Variants in ADGRL3 observed in about 807,000 individuals in gnomAD.
ADGRL3 encodes adhesion G protein-coupled receptor L3.
A neutral mutation model predicts 153.5 loss-of-function variants in ADGRL3; 62 were observed. The observed-to-expected ratio is 0.40, with a 90% CI of 0.33 to 0.50. The LOEUF is 0.50. ADGRL3 is among the 20% of genes least tolerant of loss of function. The probability of loss-of-function intolerance (pLI) is 0.47; values close to 1 mark genes in which losing one functional copy is unlikely to be tolerated. For missense variants in ADGRL3, 1,641 were observed against 1,859.4 expected (o/e 0.88, Z 2.16); for synonymous variants, 710 against 672.5 (o/e 1.06, Z -0.86).
Position 61,670,732 on chromosome 4 carries a change from G to T in ADGRL3, c.474-6094G>T, listed in dbSNP as rs569448615. On this transcript the variant is annotated intron_variant, in intron 5 of 26. Coordinates refer to ENST00000683033, the MANE Select transcript of ADGRL3 (RefSeq NM_001387552.1). Reference sequence around the variant, plus strand: ...TGTGTCAGAAAAAGAGTCTTCTGTAGGTTCTGCCTTAATGGGAGAGGTAAA... The same window carrying T: ...TGTGTCAGAAAAAGAGTCTTCTGTATGTTCTGCCTTAATGGGAGAGGTAAA... Among the ~76,000 whole-genome samples, 5 of 152,240 alleles carry T rather than the reference G, an allele frequency of 3.3e-5. No individual in the cohort carries two copies. The South Asian group carries it at 8.3e-4, about 25-fold the overall frequency.
At chr4:61,237,090 G>A (rs528028310) in intron 1 of ADGRL3, among the ~76,000 whole-genome samples, 1 of 152,174 alleles carries the variant, frequency 6.6e-6, no homozygotes, top group African/African-American at 2.4e-5. Context: ...TATGGTTGTT[G>A]CAGCAAGAGT....
chr4:61,532,271 A>G (rs1294372605), intron 4 of ADGRL3, among the ~76,000 whole-genome samples: 2 of 152,186 alleles, frequency 1.3e-5, no homozygotes, highest in African/African-American at 4.8e-5. Context: ...GTTAGAATAA[A>G]AGCTTGTATG....
At chr4:61,596,972 G>T (rs1579756749) in intron 5 of ADGRL3, among the ~76,000 whole-genome samples, 1 of 151,602 alleles carries the variant, frequency 6.6e-6, no homozygotes, top group Non-Finnish European at 1.5e-5. Flanking sequence ...TGTAGAAAAA[G>T]ATATATAAAT....
At chr4:61,781,947 T>C (rs1002360567) in intron 8 of ADGRL3, among the ~76,000 whole-genome samples, 2 of 152,206 alleles carry the variant, frequency 1.3e-5, no homozygotes, top group African/African-American at 4.8e-5. Flanking sequence ...TTTAACTCTT[T>C]TAACAAATAC....
intron 1 of ADGRL3, among the ~76,000 whole-genome samples, chr4:61,262,040 T>C (rs2092559933): frequency 6.6e-6 from 1 of 152,100 alleles, no homozygotes; most frequent in African/African-American, 2.4e-5. Flanking sequence ...GTAAACTATG[T>C]TTCAAAGGTT....
intron 26 of ADGRL3, 56 bp from the exon 27 acceptor site, chr4:62,070,053 G>A: frequency 7.1e-7 from 1 of 1,399,612 alleles, no homozygotes; most frequent in Admixed American, 1.9e-5. Context: ...GTGTTTGTGT[G>A]TGTGTTCTAT....
intron 24 of ADGRL3, among the ~76,000 whole-genome samples, chr4:62,040,162 G>A (rs1482483789): frequency 6.6e-6 from 1 of 152,034 alleles, no homozygotes; most frequent in Non-Finnish European, 1.5e-5. Context: ...ATCTTAAGTT[G>A]CTAAGAAGAT....
chr4:61,359,132 A>G (rs2096243825), intron 1 of ADGRL3, among the ~76,000 whole-genome samples: 1 of 152,106 alleles, frequency 6.6e-6, no homozygotes, highest in African/African-American at 2.4e-5. Flanking sequence ...TATGGCTTCT[A>G]CCTTATGTAC....
chr4:61,527,151 A>G, intron 4 of ADGRL3, among the ~76,000 whole-genome samples: 1 of 152,104 alleles, frequency 6.6e-6, no homozygotes, highest in East Asian at 1.9e-4. Context: ...TCAAAAATAT[A>G]TAGATTTCTC....
chr4:61,658,732 G>T (rs1209466053), intron 5 of ADGRL3, among the ~76,000 whole-genome samples: 1 of 151,824 alleles, frequency 6.6e-6, no homozygotes, highest in African/African-American at 2.4e-5. Flanking sequence ...CTTTTTATCT[G>T]CCTGCCATGC....
At chr4:62,005,650 A>C (rs1479267839) in intron 21 of ADGRL3, among the ~76,000 whole-genome samples, 1 of 152,094 alleles carries the variant, frequency 6.6e-6, no homozygotes, top group Non-Finnish European at 1.5e-5. Flanking sequence ...GTGCAGTCAG[A>C]CTATGGAAAT....
chr4:61,947,979 G>T, intron 16 of ADGRL3, 121 bp from the exon 17 acceptor site: 2 of 717,586 alleles, frequency 2.8e-6, no homozygotes, highest in Non-Finnish European at 4.6e-6. Context: ...GAAACCATTG[G>T]TAGACATCTC....
At chr4:61,395,894 C>G (rs549427714) in intron 2 of ADGRL3, among the ~76,000 whole-genome samples, 1 of 151,842 alleles carries the variant, frequency 6.6e-6, no homozygotes, top group Non-Finnish European at 1.5e-5. Context: ...GAAGGAGGAA[C>G]GCACAGATTT....
intron 1 of ADGRL3, among the ~76,000 whole-genome samples, chr4:61,268,680 A>G (rs2092991842): frequency 6.6e-6 from 1 of 151,610 alleles, no homozygotes. Flanking sequence ...GGTGTGTGGC[A>G]TGTTAAAATA....
At position 61,644,591 on chromosome 4, in the gene ADGRL3, C is replaced by G. The variant is rs566210363; in HGVS notation, c.474-32235C>G. On this transcript the variant is annotated intron_variant, in intron 5 of 26. Coordinates refer to ENST00000683033, the MANE Select transcript of ADGRL3 (RefSeq NM_001387552.1). ...CTTGTTCAGTTTCCATGTAGTTGAG[C>G]GGTTTTGCGTGAGATTCTTAATCCT... 1.2e-4 allele frequency among the ~76,000 whole-genome samples: 18 copies of G among 152,186 alleles called. No individual in the cohort carries two copies. The South Asian group carries it at 3.5e-3, about 30-fold the overall frequency.
At chr4:61,330,908 A>G (rs1056043618) in intron 1 of ADGRL3, among the ~76,000 whole-genome samples, 5 of 152,068 alleles carry the variant, frequency 3.3e-5, no homozygotes, top group Non-Finnish European at 7.4e-5. Flanking sequence ...CCAAGCCCCT[A>G]CTCAACCCAG....
At chr4:61,676,673 T>C (rs10434206) in intron 5 of ADGRL3, among the ~76,000 whole-genome samples, 153 bp from the exon 6 acceptor site, 3,380 of 152,128 alleles carry the variant, frequency 0.022, 109 homozygotes, top group East Asian at 0.17. Flanking sequence ...AAAAGTGTAC[T>C]ACAGATATTT....
chr4:61,359,519 G>T (rs773201058), intron 1 of ADGRL3, among the ~76,000 whole-genome samples: 6 of 151,990 alleles, frequency 3.9e-5, no homozygotes, highest in Non-Finnish European at 7.4e-5. Flanking sequence ...CTTGCCTGAG[G>T]GCCTTTGCAC....
chr4:61,595,755 C>T (rs563590649), intron 5 of ADGRL3, among the ~76,000 whole-genome samples: 160 of 152,222 alleles, frequency 1.1e-3, no homozygotes, highest in African/African-American at 3.5e-3. Context: ...TGTCCCAAAT[C>T]TCCTTTCAAG....
Sources: gnomAD v4.1 joint callset for allele counts (sites outside exome capture counted in the v4.1 genomes callset) on GRCh38, gnomAD v4.1.1 for gene constraint, MANE v1.5 for transcripts, NCBI Gene and HGNC (gene_info 2026-07-23, HGNC 2026-07-21) for gene names.